The following MYO16 variants were observed in gnomAD, a reference collection of about 807,000 sequenced individuals.
MYO16 encodes the protein unconventional myosin-XVI.
MYO16 carries 94 observed loss-of-function variants against 205.3 expected under a neutral mutation model. The observed-to-expected ratio is 0.46, with a 90% CI of 0.39 to 0.54. MYO16 has a LOEUF of 0.54. Ranked by LOEUF, MYO16 falls within the 20% of genes least tolerant of loss-of-function variation. The pLI, the probability that MYO16 is intolerant of heterozygous loss-of-function variation, is 0.00. For missense variants in MYO16, 2,315 were observed against 2,387.5 expected (o/e 0.97, Z 0.63); for synonymous variants, 988 against 954.0 (o/e 1.04, Z -0.66).
chr13:108,975,779 A>C (rs1884233947), intron 20 of MYO16, among the ~76,000 whole-genome samples: 1 of 152,156 alleles, frequency 6.6e-6, no homozygotes, highest in African/African-American at 2.4e-5. Context: ...TTTAGAATGT[A>C]TATGCCTTCC....
intron 1 of MYO16, among the ~76,000 whole-genome samples, chr13:108,647,563 G>T (rs956996618): frequency 6.6e-6 from 1 of 151,926 alleles, no homozygotes; most frequent in South Asian, 2.1e-4. Flanking sequence ...TATAACTTCT[G>T]CCTTTTTTCC....
At chr13:109,132,771 C>G (rs1206725235) in intron 31 of MYO16, among the ~76,000 whole-genome samples, 1 of 152,176 alleles carries the variant, frequency 6.6e-6, no homozygotes, top group Admixed American at 6.5e-5. Context: ...CACAATTGCA[C>G]AGTTCACCAC....
At chr13:108,796,813 T>A (rs1886805315) in intron 6 of MYO16, among the ~76,000 whole-genome samples, 1 of 146,124 alleles carries the variant, frequency 6.8e-6, no homozygotes, top group Admixed American at 6.8e-5. Context: ...ATATACCTAA[T>A]GTAAAATGAC....
the MYO16 span, among the ~76,000 whole-genome samples, chr13:108,530,931 T>C: frequency 1.3e-5 from 2 of 152,226 alleles, no homozygotes; most frequent in African/African-American, 4.8e-5. Flanking sequence ...CGTTTGTTTA[T>C]GGTTTTTTTT....
At position 108,997,290 on chromosome 13, in the gene MYO16, CAGAAAGAAAGAA is replaced by C. The variant is rs1200455422; in HGVS notation, c.2442+4882_2442+4893del. 1.8e-3 allele frequency among the ~76,000 whole-genome samples: 153 copies of C among 82,906 alleles called. 1 individual carries two copies. The highest frequency in any genetic ancestry group is 0.01 in the Middle Eastern group (2 of 192). 54.4% of individuals were successfully genotyped at this position (82,906 alleles called of 152,430 possible). On this transcript the variant is annotated intron_variant, in intron 21 of 34. Transcript: ENST00000457511. ...ATCTGGGTGACAGAACAAGACCATG[CAGAAAGAAAGAA>C]AGAAAGAAAGAAAGAAAGAAAGAAA...
Position 108,781,186 on chromosome 13 carries a change from A to C in MYO16, c.508-4449A>C, listed in dbSNP as rs150414350. ...TATGAATTGGGAAGGATTCTCTACC[A>C]CTGATAAGTGGAGTGCGGTAGATTT... is the stretch of plus-strand genomic sequence containing the variant. On this transcript the variant is annotated intron_variant, in intron 4 of 34. Coordinates refer to ENST00000457511, the MANE Select transcript of MYO16 (RefSeq NM_001198950.3). Among the ~76,000 whole-genome samples, 317 of 152,324 alleles carry C rather than the reference A, an allele frequency of 2.1e-3. 2 individuals are homozygous for C. The highest frequency in any genetic ancestry group is 7.4e-3 in the African/African-American group (308 of 41,576).
At chr13:108,678,765 C>T (rs1882335370) in intron 2 of MYO16, among the ~76,000 whole-genome samples, 2 of 152,160 alleles carry the variant, frequency 1.3e-5, no homozygotes, top group African/African-American at 4.8e-5. Flanking sequence ...TACTCTTCCC[C>T]TCTGCAAATT....
chr13:109,180,576 T>G (rs1354597418), intron 34 of MYO16, among the ~76,000 whole-genome samples: 1 of 152,250 alleles, frequency 6.6e-6, no homozygotes, highest in Non-Finnish European at 1.5e-5. Flanking sequence ...ATACAGCTAA[T>G]GATCAGCTTT....
chr13:109,127,362 G>A lies in MYO16; in HGVS notation c.3863G>A (p.Cys1288Tyr). Reference sequence around the variant, plus strand: ...GCGGCCGTGGATGGCCTGGGCCAGTGCCTCGTTGGCCCGTCCATCTGGTCT... The same window carrying A: ...GCGGCCGTGGATGGCCTGGGCCAGTACCTCGTTGGCCCGTCCATCTGGTCT... ...VCAAVDGLGQ[C>Y]LVGPSIWSPS... Residue 1288 changes from cysteine to tyrosine, a missense_variant, in exon 31 of 35, where the codon TGC (cysteine) becomes TAC (tyrosine). Physicochemically the swap from Cys to Tyr is radical, Grantham distance 194 (BLOSUM62 -2). Coordinates refer to ENST00000457511, the MANE Select transcript of MYO16 (RefSeq NM_001198950.3). The surrounding 1 kb of genome is among the most constrained non-coding windows in gnomAD (Gnocchi z 4.2). 6.2e-7 allele frequency: 1 copy of A among 1,613,540 alleles called. No homozygotes were observed. The highest frequency in any genetic ancestry group is 1.3e-5 in the African/African-American group (1 of 75,064).
At chr13:108,993,079 G>A (rs950192904) in intron 21 of MYO16, among the ~76,000 whole-genome samples, 15 of 152,114 alleles carry the variant, frequency 9.9e-5, no homozygotes, top group African/African-American at 3.4e-4. Context: ...AAGTCAACCT[G>A]TAGGAAGGTA....
Position 108,871,969 on chromosome 13 carries a change from A to G in MYO16, c.1425+5727A>G, listed in dbSNP as rs577400019. ...GAATTTGACTGATACTAGCTGCTTCATTACAGCTATAGGGTAAAGGAGACT... is the reference window on the plus strand; with the variant it reads ...GAATTTGACTGATACTAGCTGCTTCGTTACAGCTATAGGGTAAAGGAGACT... On this transcript the variant is annotated intron_variant, in intron 12 of 34. Coordinates refer to ENST00000457511, the MANE Select transcript of MYO16 (RefSeq NM_001198950.3). 5.9e-4 allele frequency among the ~76,000 whole-genome samples: 90 copies of G among 152,350 alleles called. 1 individual carries two copies. The highest frequency in any genetic ancestry group is 2.0e-3 in the African/African-American group (85 of 41,588).
rs1395361052 is a variant in MYO16, at chr13:109,206,860, A to G, written c.*24A>G. On this transcript the variant is annotated 3_prime_UTR_variant, in exon 35 of 35. Coordinates refer to ENST00000457511, the MANE Select transcript of MYO16 (RefSeq NM_001198950.3). ...GATGTGGCCTGAACTGCAGACTTAC[A>G]AAATAGAACTGCCTACTGATTCCGG... 6.3e-7 allele frequency: 1 copy of G among 1,596,764 alleles called. No homozygotes were observed. The highest frequency in any genetic ancestry group is 8.6e-7 in the Non-Finnish European group (1 of 1,166,712).
chr13:108,910,794 C>A (rs1363854057), intron 16 of MYO16, among the ~76,000 whole-genome samples: 2 of 151,992 alleles, frequency 1.3e-5, no homozygotes, highest in Admixed American at 6.6e-5. Context: ...GAATCCTGTT[C>A]TGAAGAGAAG....
chr13:108,626,420 C>A (rs1461790029), upstream of MYO16, among the ~76,000 whole-genome samples: 1 of 152,114 alleles, frequency 6.6e-6, no homozygotes, highest in East Asian at 1.9e-4. Context: ...TACTTAATGA[C>A]CATATTCTGC....
chr13:108,500,496 G>C, the MYO16 span, among the ~76,000 whole-genome samples: 2 of 151,988 alleles, frequency 1.3e-5, no homozygotes. Flanking sequence ...CCAAAGTGCT[G>C]GGATTACAAG....
At chr13:108,579,090 G>A in the MYO16 span, among the ~76,000 whole-genome samples, 6 of 152,258 alleles carry the variant, frequency 3.9e-5, no homozygotes, top group Non-Finnish European at 8.8e-5. Context: ...TGTAGGGGAT[G>A]TTAGGGTAGA....
chr13:108,866,702 G>T (rs1338084771), intron 12 of MYO16, among the ~76,000 whole-genome samples: 1 of 152,134 alleles, frequency 6.6e-6, no homozygotes, highest in Non-Finnish European at 1.5e-5. Flanking sequence ...AATTAAAAGA[G>T]AAATTACTTG....
chr13:108,520,588 G>A, the MYO16 span, among the ~76,000 whole-genome samples: 1 of 152,094 alleles, frequency 6.6e-6, no homozygotes, highest in East Asian at 1.9e-4. Context: ...TTGTCAAGGA[G>A]AAAATCGGTT....
At chr13:108,975,190 G>GTT (rs55838053) in intron 20 of MYO16, among the ~76,000 whole-genome samples, 2 of 110,866 alleles carry the variant, frequency 1.8e-5, no homozygotes, top group African/African-American at 3.5e-5. Flanking sequence ...TACTGTTTTT[G>GTT]TTTTTTTTTT....
Sources: allele counts gnomAD v4.1 joint callset (sites outside exome capture counted in the v4.1 genomes callset), GRCh38; gene constraint gnomAD v4.1.1; non-coding constraint Gnocchi (gnomAD v3.1); transcripts MANE v1.5; gene names NCBI Gene and HGNC (gene_info 2026-07-23, HGNC 2026-07-21).